WDR64: variants seen among roughly 807,000 people sequenced by gnomAD.
WDR64 encodes WD repeat domain 64.
In WDR64, 112 loss-of-function variants were observed where a neutral mutation model predicts 139.3. The observed-to-expected ratio is 0.80, with a 90% CI of 0.69 to 0.94. The LOEUF (loss-of-function observed/expected upper bound fraction) is 0.94. Ranked by LOEUF, WDR64 falls within the 40% of genes least tolerant of loss-of-function variation. WDR64 has a pLI of 0.00. For missense variants in WDR64, 1,206 were observed against 1,293.1 expected, an observed-to-expected ratio of 0.93 and a Z score of 1.03; for synonymous variants, 444 against 437.7, an observed-to-expected ratio of 1.01 and a Z score of -0.18.
At chr1:241,745,189 C>G (rs551010777) in intron 13 of WDR64, among the ~76,000 whole-genome samples, 2 of 152,096 alleles carry the variant, frequency 1.3e-5, no homozygotes, top group Non-Finnish European at 2.9e-5. Flanking sequence ...GCATGAGCTA[C>G]TCTGAATATA....
At chr1:241,689,430 AG>A (rs1380567176) in intron 8 of WDR64, among the ~76,000 whole-genome samples, 14 of 152,228 alleles carry the variant, frequency 9.2e-5, no homozygotes, top group African/African-American at 3.4e-4. Context: ...AAAAGAAAGC[AG>A]AAGAAGCTAT....
At chr1:241,783,667 C>G (rs181473313) in intron 23 of WDR64, among the ~76,000 whole-genome samples, 137 of 152,136 alleles carry the variant, frequency 9.0e-4, no homozygotes, top group African/African-American at 3.2e-3. Flanking sequence ...AAGAATTAAG[C>G]AAGATAGCTA....
intron 27 of WDR64, among the ~76,000 whole-genome samples, 183 bp from the exon 28 acceptor site, chr1:241,800,949 C>T (rs1483390080): frequency 6.6e-6 from 1 of 151,798 alleles, no homozygotes; most frequent in African/African-American, 2.4e-5. Flanking sequence ...CTTCAGGAGC[C>T]CCACCTCCTA....
At chr1:241,667,405 G>A (rs889885742) in intron 2 of WDR64, among the ~76,000 whole-genome samples, 12 of 152,246 alleles carry the variant, frequency 7.9e-5, no homozygotes, top group Admixed American at 7.8e-4. Context: ...CTGTCCCCTG[G>A]TTATTCCATC....
chr1:241,688,835 G>T (rs987155734), intron 8 of WDR64, among the ~76,000 whole-genome samples: 3 of 152,132 alleles, frequency 2.0e-5, no homozygotes, highest in Non-Finnish European at 4.4e-5. Context: ...CTATGCTTTT[G>T]TGAGTTTTAC....
rs558214102 is a variant in WDR64, at chr1:241,683,097, C to G, written c.625-390C>G. On this transcript the variant is annotated intron_variant, in intron 6 of 27. Transcript: ENST00000437684. ...TTTTTCTTCTGGTGACTCCTTGGGA[C>G]TTTGATATTTGATTTTCCTGTTTGC... Among the ~76,000 whole-genome samples, 24 of 152,254 alleles carry G rather than the reference C, an allele frequency of 1.6e-4. No individual in the cohort carries two copies. The South Asian group carries it at 5.0e-3, about 32-fold the overall frequency.
chr1:241,788,206 C>CT lies in WDR64; in HGVS notation c.2891+173dup, dbSNP rs1659111777. ...AACAAAGCTATAATTGGTAGTACTT[C>CT]TGGGAACATCTGATTCTTAAGACAG... On this transcript the variant is annotated intron_variant, in intron 24 of 27. Transcript: ENST00000437684. Among the ~76,000 whole-genome samples the CT allele has an allele frequency of 2.0e-5, 3 of 152,142 alleles. No individual in the cohort carries two copies. The South Asian group carries it at 6.2e-4, about 32-fold the overall frequency.
intron 8 of WDR64, among the ~76,000 whole-genome samples, chr1:241,688,443 A>G (rs12133073): frequency 0.53 from 81,255 of 151,968 alleles, 22,428 homozygotes; most frequent in African/African-American, 0.67. Context: ...AAATGTTATG[A>G]TACCTATTGG....
At chr1:241,770,564 T>G in intron 17 of WDR64, 57 bp from the exon 18 acceptor site, 2 of 1,465,286 alleles carry the variant, frequency 1.4e-6, no homozygotes, top group Non-Finnish European at 1.9e-6. Context: ...GCACACCCTT[T>G]GAGTATGGTA....
In WDR64 at chr1:241,703,335, T is replaced by C. The variant is rs1378224080; in HGVS notation, c.975-8467T>C. Among the ~76,000 whole-genome samples the C allele has an allele frequency of 6.6e-6, 1 of 152,142 alleles. No individual in the cohort carries two copies. The highest frequency in any genetic ancestry group is 1.5e-5 in the Non-Finnish European group (1 of 68,032). On this transcript the variant is annotated intron_variant, in intron 8 of 27. Coordinates refer to ENST00000437684, the MANE Select transcript of WDR64 (RefSeq NM_001367482.1). This position sits in a 1 kb window ranked among gnomAD's most constrained non-coding sequence, Gnocchi z 5.9. ...TGAAAAAAGTCACCCCTTTACCTTC[T>C]ACCTGATGACTCTGCTTCTCTCCCT... is the stretch of plus-strand genomic sequence containing the variant.
chr1:241,798,632 T>C (rs1196035320), intron 27 of WDR64, among the ~76,000 whole-genome samples: 2 of 152,216 alleles, frequency 1.3e-5, no homozygotes, highest in African/African-American at 4.8e-5. Context: ...AACAAATATT[T>C]ATGGAATACC....
intron 13 of WDR64, among the ~76,000 whole-genome samples, chr1:241,746,539 T>G (rs1440862853): frequency 6.7e-6 from 1 of 149,928 alleles, no homozygotes; most frequent in Non-Finnish European, 1.5e-5. Flanking sequence ...AAAAAAAGTT[T>G]ATAGCAGATT....
At chr1:241,698,555 C>G (rs7413382) in intron 8 of WDR64, among the ~76,000 whole-genome samples, 41,057 of 151,988 alleles carry the variant, frequency 0.27, 5,830 homozygotes, top group Non-Finnish European at 0.32. Context: ...ATACTCCTCA[C>G]CTCATCCCCT....
At chr1:241,653,897 G>A (rs912565356) in intron 1 of WDR64, among the ~76,000 whole-genome samples, 1 of 152,116 alleles carries the variant, frequency 6.6e-6, no homozygotes, top group Non-Finnish European at 1.5e-5. Flanking sequence ...TTTTGGATAT[G>A]CTTTTTCGGT....
chr1:241,677,628 A>G (rs1015503505), intron 4 of WDR64, among the ~76,000 whole-genome samples: 5 of 152,216 alleles, frequency 3.3e-5, no homozygotes, highest in Admixed American at 6.5e-5. Flanking sequence ...CATGGGATAA[A>G]TCTGTGGTTC....
intron 15 of WDR64, among the ~76,000 whole-genome samples, chr1:241,764,393 C>T (rs1658054035): frequency 2.0e-5 from 3 of 152,122 alleles, no homozygotes; most frequent in Non-Finnish European, 4.4e-5. Flanking sequence ...TGGCTCACAC[C>T]TGTAATCTCA....
intron 1 of WDR64, among the ~76,000 whole-genome samples, chr1:241,657,784 CATATA>C (rs1665667858): frequency 6.6e-6 from 1 of 152,170 alleles, no homozygotes; most frequent in African/African-American, 2.4e-5. Context: ...GCTTGACATA[CATATA>C]ATAAAGCCCA....
chr1:241,770,094 G>T (rs761847378), intron 17 of WDR64, among the ~76,000 whole-genome samples: 3 of 152,186 alleles, frequency 2.0e-5, no homozygotes, highest in Non-Finnish European at 4.4e-5. Context: ...CCAGAGGTGA[G>T]CCAGAATGTA....
In WDR64 at chr1:241,656,603, G is replaced by A. The variant is rs116377586; in HGVS notation, c.146-3927G>A. Among the ~76,000 whole-genome samples the A allele has an allele frequency of 8.9e-3, 1,362 of 152,186 alleles. 17 individuals carry two copies. The highest frequency in any genetic ancestry group is 0.02 in the Middle Eastern group (6 of 294). On this transcript the variant is annotated intron_variant, in intron 1 of 27. Coordinates refer to ENST00000437684, the MANE Select transcript of WDR64 (RefSeq NM_001367482.1). The surrounding 1 kb of genome is among the most constrained non-coding windows in gnomAD (Gnocchi z 4.3). ...ATCTTCTTCCCATTGCCTTGCTTTT[G>A]GTAAATAGATCAACATTTGCTGAGT...
Sources: allele counts gnomAD v4.1 joint callset (sites outside exome capture counted in the v4.1 genomes callset), GRCh38; gene constraint gnomAD v4.1.1; non-coding constraint Gnocchi (gnomAD v3.1); transcripts MANE v1.5; gene names NCBI Gene and HGNC (gene_info 2026-07-23, HGNC 2026-07-21).